Variants in DNAAF1 observed in about 807,000 individuals in gnomAD.
The protein encoded by DNAAF1 is dynein axonemal assembly factor 1.
DNAAF1 carries 65 observed loss-of-function variants against 71.1 expected under a neutral mutation model. The ratio of observed to expected loss-of-function variants is 0.91; its 90% confidence interval spans 0.75 to 1.12. The LOEUF is 1.12. Ranked by LOEUF, DNAAF1 falls within the 50% of genes most tolerant of loss-of-function variation. The probability of loss-of-function intolerance (pLI) is 0.00; values close to 1 mark genes in which losing one functional copy is unlikely to be tolerated. For missense variants in DNAAF1, 1,178 were observed against 899.8 expected (o/e 1.31, Z -3.96); for synonymous variants, 414 against 354.6 (o/e 1.17, Z -1.88).
chr16:84,169,076 A>AC, intron 7 of DNAAF1, among the ~76,000 whole-genome samples: 1 of 126,510 alleles, frequency 7.9e-6, no homozygotes, highest in African/African-American at 3.0e-5. Flanking sequence ...CCTCAAGGAT[A>AC]CTTTTTTTTT....
intron 11 of DNAAF1, 59 bp from the exon 12 acceptor site, chr16:84,177,670 C>T (rs2088803382): frequency 1.4e-6 from 2 of 1,456,166 alleles, no homozygotes; most frequent in Non-Finnish European, 1.9e-6. Context: ...CAAGGCTGCC[C>T]CCCTGTCCTT....
intron 6 of DNAAF1, among the ~76,000 whole-genome samples, chr16:84,164,169 C>G (rs1471663793): frequency 6.6e-6 from 1 of 151,988 alleles, no homozygotes; most frequent in Non-Finnish European, 1.5e-5. Context: ...GAGAGAGTTT[C>G]CATATACCAC....
Position 84,159,729 on chromosome 16 carries a change from A to G in DNAAF1, c.796A>G (p.Arg266Gly), listed in dbSNP as rs2087613925. Residue 266 changes from arginine (R) to glycine (G), a missense_variant, in exon 6 of 12, where the codon AGG becomes GGG. Coordinates refer to ENST00000378553, the MANE Select transcript of DNAAF1 (RefSeq NM_178452.6). ...TATCAGACAGATTCCTAATTACAGA[A>G]GGACAGTCACTGTACGACTAAAGCA... ...PVIRQIPNYR[R>G]TVTVRLKHLT... The G allele has an allele frequency of 6.2e-7, 1 of 1,614,078 alleles. No homozygotes were observed. Among genetic ancestry groups the G allele is most frequent in the African/African-American group, 1.3e-5 (1 of 75,042 alleles).
chr16:84,165,831 G>A lies in DNAAF1; in HGVS notation c.912G>A (p.Glu304=). ...GGGGAGGGTACGCAGCTGAAAAGGAGGAGAGACAGCAGTGGGAGAGCAGGG... is the reference window on the plus strand; with the variant it reads ...GGGGAGGGTACGCAGCTGAAAAGGAAGAGAGACAGCAGTGGGAGAGCAGGG... ...WARGGYAAEK[E]ERQQWESRER... is the part of the protein sequence containing the mutation. Residue 304 remains glutamate, a synonymous_variant, in exon 7 of 12, where the codon GAG becomes GAA. Coordinates refer to ENST00000378553, the MANE Select transcript of DNAAF1 (RefSeq NM_178452.6). 6 of 1,613,696 alleles carry A rather than the reference G, an allele frequency of 3.7e-6. No individual in the cohort carries two copies. The highest frequency in any genetic ancestry group is 1.3e-5 in the African/African-American group (1 of 74,900).
At chr16:84,172,895 C>G in intron 9 of DNAAF1, 1 of 1,008,074 alleles carries the variant, frequency 9.9e-7, no homozygotes, top group Non-Finnish European at 1.2e-6. Context: ...AATGTTTGAT[C>G]GCAGCCTTGC....
At chr16:84,167,220 G>T (rs2088060052) in intron 7 of DNAAF1, among the ~76,000 whole-genome samples, 1 of 152,180 alleles carries the variant, frequency 6.6e-6, no homozygotes, top group Admixed American at 6.5e-5. Flanking sequence ...AAGGGATGCA[G>T]ATGAACAGCA....
At chr16:84,168,434 T>A (rs527759992) in intron 7 of DNAAF1, among the ~76,000 whole-genome samples, 3 of 152,212 alleles carry the variant, frequency 2.0e-5, no homozygotes, top group Admixed American at 6.5e-5. Context: ...TGAACACCTT[T>A]GACTAATATT....
Position 84,155,724 on chromosome 16 carries a change from G to C in DNAAF1, c.716G>C (p.Ser239Thr). 3 of 1,614,096 alleles carry C rather than the reference G, an allele frequency of 1.9e-6. No homozygotes were observed. The highest frequency in any genetic ancestry group is 2.2e-5 in the East Asian group (1 of 44,878). Residue 239 changes from serine to threonine, a missense_variant, in exon 5 of 12, where the codon AGC (serine) becomes ACC (threonine). Coordinates refer to ENST00000378553, the MANE Select transcript of DNAAF1 (RefSeq NM_178452.6). ...AAGCTGAGTGACCCGGAGATCCTGAGCATTCTGGAAAGCATGCCCGATTTG... is the reference window on the plus strand; with the variant it reads ...AAGCTGAGTGACCCGGAGATCCTGACCATTCTGGAAAGCATGCCCGATTTG... ...HNKLSDPEIL[S>T]ILESMPDLRV...
At chr16:84,164,944 A>G (rs1597455607) in intron 6 of DNAAF1, among the ~76,000 whole-genome samples, 1 of 151,834 alleles carries the variant, frequency 6.6e-6, no homozygotes, top group African/African-American at 2.4e-5. Context: ...CGTGTTTTGG[A>G]TTTTAGCCAT....
intron 9 of DNAAF1, chr16:84,174,343 T>G (rs916201628): frequency 3.2e-6 from 4 of 1,256,714 alleles, no homozygotes; most frequent in Middle Eastern, 6.6e-4. Context: ...CAGAGGTGCA[T>G]TTGGTTTGGG....
At chr16:84,164,420 C>G (rs2087866877) in intron 6 of DNAAF1, among the ~76,000 whole-genome samples, 1 of 152,198 alleles carries the variant, frequency 6.6e-6, no homozygotes, top group Non-Finnish European at 1.5e-5. Flanking sequence ...TTCTTCATCC[C>G]TCCTACCTCC....
chr16:84,150,304 C>T lies in DNAAF1; in HGVS notation c.314C>T (p.Thr105Ile), dbSNP rs759609796. 2 of 1,613,884 alleles carry T rather than the reference C, an allele frequency of 1.2e-6. No individual in the cohort carries two copies. The highest frequency in any genetic ancestry group is 1.1e-5 in the South Asian group (1 of 91,080). ...TGCAAGCAGCACAAGCTTTATATTACCCCAGCATTGAATGATACGCTGTAT... is the reference window on the plus strand; with the variant it reads ...TGCAAGCAGCACAAGCTTTATATTATCCCAGCATTGAATGATACGCTGTAT... ...KLCKQHKLYI[T>I]PALNDTLYLH... Residue 105 changes from threonine to isoleucine, a missense_variant, in exon 3 of 12, where the codon ACC becomes ATC. Physicochemically the swap from Thr to Ile is moderately conservative, Grantham distance 89. Coordinates refer to ENST00000378553, the MANE Select transcript of DNAAF1 (RefSeq NM_178452.6).
At chr16:84,161,133 C>A (rs377515604) in intron 6 of DNAAF1, among the ~76,000 whole-genome samples, 1 of 152,114 alleles carries the variant, frequency 6.6e-6, no homozygotes, top group Non-Finnish European at 1.5e-5. Context: ...CCTCCCTGGG[C>A]GCACGTTCCT....
intron 9 of DNAAF1, chr16:84,173,346 C>A (rs371814844): frequency 3.3e-6 from 2 of 614,402 alleles, no homozygotes; most frequent in African/African-American, 2.0e-5. Flanking sequence ...CACCTGTAGT[C>A]CCAGCTACTT....
At chr16:84,172,159 G>C in intron 8 of DNAAF1, 101 bp from the exon 9 acceptor site, 1 of 1,107,290 alleles carries the variant, frequency 9.0e-7, no homozygotes, top group South Asian at 1.3e-5. Flanking sequence ...TTACAGGCAT[G>C]AGCCACCGAG....
chr16:84,164,976 C>T (rs1209160320), intron 6 of DNAAF1, among the ~76,000 whole-genome samples: 1 of 152,154 alleles, frequency 6.6e-6, no homozygotes, highest in Non-Finnish European at 1.5e-5. Flanking sequence ...ATCATGTTAT[C>T]TTATTGTTCT....
intron 5 of DNAAF1, among the ~76,000 whole-genome samples, chr16:84,158,332 C>G (rs1029040376): frequency 1.3e-5 from 2 of 152,208 alleles, no homozygotes; most frequent in Non-Finnish European, 1.5e-5. Flanking sequence ...AGATGGCCGT[C>G]TTCTCCCTGG....
intron 5 of DNAAF1, chr16:84,158,814 C>T (rs1226136714): frequency 6.5e-6 from 1 of 154,466 alleles, no homozygotes; most frequent in Non-Finnish European, 1.4e-5. Flanking sequence ...ACTACAGCCT[C>T]CCCCTCCTGG....
chr16:84,165,798 C>G lies in DNAAF1; in HGVS notation c.879C>G (p.Ala293=). ...VFPKDRACAE[A]WARGGYAAEK... ...TTTTAAACAGAGCTTGTGCGGAGGC[C>G]TGGGCTAGGGGAGGGTACGCAGCTG... The change falls in exon 7 of 12, where the codon GCC becomes GCG. Residue 293 remains alanine, a synonymous_variant. Coordinates refer to ENST00000378553, the MANE Select transcript of DNAAF1 (RefSeq NM_178452.6). 1 of 1,613,538 alleles carries G rather than the reference C, an allele frequency of 6.2e-7. No homozygotes were observed. Among genetic ancestry groups the G allele is most frequent in the Non-Finnish European group, 8.5e-7 (1 of 1,179,932 alleles).
Sources: gnomAD v4.1 joint callset for allele counts (sites outside exome capture counted in the v4.1 genomes callset) on GRCh38, gnomAD v4.1.1 for gene constraint, MANE v1.5 for transcripts, NCBI Gene and HGNC (gene_info 2026-07-23, HGNC 2026-07-21) for gene names.